Variants in MIPEP observed in about 807,000 individuals in gnomAD.
MIPEP encodes mitochondrial intermediate peptidase.
A neutral mutation model predicts 90.3 loss-of-function variants in MIPEP; 79 were observed. That is an observed-to-expected ratio of 0.87 (90% CI 0.73 to 1.05). The LOEUF (loss-of-function observed/expected upper bound fraction) is 1.05, where lower values mean the gene tolerates loss of function less well. Ranked by LOEUF, MIPEP falls within the 50% of genes least tolerant of loss-of-function variation. The probability of loss-of-function intolerance (pLI) is 0.00; values close to 1 mark genes in which losing one functional copy is unlikely to be tolerated. For missense variants in MIPEP, 940 were observed against 905.6 expected (o/e 1.04, Z -0.49); for synonymous variants, 334 against 315.8 (o/e 1.06, Z -0.61).
At position 23,874,861 on chromosome 13, in the gene MIPEP, A is replaced by G; in HGVS notation, c.588T>C (p.His196=). The G allele has an allele frequency of 2.5e-6, 4 of 1,599,082 alleles. No homozygotes were observed. The highest frequency in any genetic ancestry group is 3.4e-6 in the Non-Finnish European group (4 of 1,175,296). Residue 196 remains histidine, a synonymous_variant, in exon 5 of 19, where the codon CAT becomes CAC. Transcript: ENST00000382172. ...AAAGATGTACCTTTTCTTTGTCTAG[A>G]TGGATTCCACTAATTTCAAAATCAA... The part of the protein sequence containing the change: ...FMFDFEISGI[H]LDKEKRKRAV...
chr13:23,834,880 C>T (rs1475731097), intron 14 of MIPEP, among the ~76,000 whole-genome samples: 1 of 152,052 alleles, frequency 6.6e-6, no homozygotes, highest in Non-Finnish European at 1.5e-5. Flanking sequence ...ATGTTATTGG[C>T]CAAGTCTACA....
intron 2 of MIPEP, among the ~76,000 whole-genome samples, chr13:23,882,744 T>C (rs538912550): frequency 6.6e-6 from 1 of 152,330 alleles, no homozygotes; most frequent in South Asian, 2.1e-4. Context: ...TCAAATAGTT[T>C]TTAATGCCAA....
At chr13:23,843,472 T>C (rs1371700991) in intron 10 of MIPEP, among the ~76,000 whole-genome samples, 1 of 152,274 alleles carries the variant, frequency 6.6e-6, no homozygotes, top group Non-Finnish European at 1.5e-5. Flanking sequence ...TCATAAAGTA[T>C]ATGCATGTGG....
chr13:23,829,487 T>G (rs886364789), intron 14 of MIPEP, among the ~76,000 whole-genome samples: 2 of 151,374 alleles, frequency 1.3e-5, no homozygotes, highest in African/African-American at 4.8e-5. Context: ...CCAACAATAT[T>G]AAAAGGAAAG....
At chr13:23,876,520 C>T (rs547974668) in intron 4 of MIPEP, among the ~76,000 whole-genome samples, 1 of 152,250 alleles carries the variant, frequency 6.6e-6, no homozygotes, top group East Asian at 1.9e-4. Context: ...TAAGGGCCAT[C>T]TGTTGCTATG....
intron 14 of MIPEP, among the ~76,000 whole-genome samples, chr13:23,827,115 G>A (rs1715988419): frequency 1.3e-5 from 2 of 152,122 alleles, no homozygotes; most frequent in South Asian, 2.1e-4. Flanking sequence ...AAGGATTTTG[G>A]TAGCCACGTT....
chr13:23,861,056 C>T (rs7998585), intron 9 of MIPEP, among the ~76,000 whole-genome samples: 142,994 of 152,178 alleles, frequency 0.94, 67,215 homozygotes, highest in East Asian at 1. Context: ...TTCTAACAGG[C>T]TCCCATGTGA....
intron 18 of MIPEP, among the ~76,000 whole-genome samples, chr13:23,733,868 G>T (rs1325252190): frequency 6.6e-6 from 1 of 152,192 alleles, no homozygotes; most frequent in African/African-American, 2.4e-5. Flanking sequence ...TGTCATTGCT[G>T]TGTCTATTTG....
chr13:23,815,333 TG>T (rs1953221148), intron 14 of MIPEP, among the ~76,000 whole-genome samples: 1 of 151,020 alleles, frequency 6.6e-6, no homozygotes, highest in African/African-American at 2.4e-5. Flanking sequence ...TGTTTTTTTT[TG>T]AGTCAGAGTC....
chr13:23,743,403 A>C (rs1952351876), intron 18 of MIPEP, among the ~76,000 whole-genome samples: 1 of 152,220 alleles, frequency 6.6e-6, no homozygotes, highest in South Asian at 2.1e-4. Context: ...GACTGTGGTT[A>C]CCCACACCCT....
At chr13:23,757,971 C>T (rs2138513277) in intron 17 of MIPEP, among the ~76,000 whole-genome samples, 1 of 152,268 alleles carries the variant, frequency 6.6e-6, no homozygotes, top group African/African-American at 2.4e-5. Context: ...AGCTCTGGAG[C>T]CTCTTTACAT....
rs1162411908 is a variant in MIPEP, at chr13:23,870,257, TAAAC to T, written c.604-66_604-63del. 140 of 1,102,586 alleles carry T rather than the reference TAAAC, an allele frequency of 1.3e-4. 1 individual carries two copies. The Middle Eastern group carries it at 1.8e-3, about 14-fold the overall frequency. 68.3% of individuals were successfully genotyped at this position (1,102,586 alleles called of 1,614,324 possible). On this transcript the variant is annotated intron_variant, in intron 5 of 18. Coordinates refer to ENST00000382172, the MANE Select transcript of MIPEP (RefSeq NM_005932.4). ...TTTGAATTAATATTTCACAATTTAATAAACAAAATATAAATATGTCAAATCAACA... is the reference window on the plus strand; with the variant it reads ...TTTGAATTAATATTTCACAATTTAATAAAATATAAATATGTCAAATCAACA...
intron 7 of MIPEP, among the ~76,000 whole-genome samples, chr13:23,868,590 CCTCA>C (rs1303226290): frequency 6.6e-6 from 1 of 152,050 alleles, no homozygotes; most frequent in Non-Finnish European, 1.5e-5. Context: ...TCCCTCTCAC[CCTCA>C]CTAAGTCTTG....
chr13:23,784,019 A>G (rs1486324039), intron 16 of MIPEP, among the ~76,000 whole-genome samples: 2 of 152,182 alleles, frequency 1.3e-5, no homozygotes, highest in African/African-American at 4.8e-5. Context: ...GAAAATGGCC[A>G]TACTGCCCAA....
chr13:23,795,209 G>GA (rs113249630), intron 16 of MIPEP, among the ~76,000 whole-genome samples: 35,268 of 143,066 alleles, frequency 0.25, 4,780 homozygotes, highest in African/African-American at 0.39. Context: ...CCAGGGCGAA[G>GA]AAAAAAAAAA....
In MIPEP at chr13:23,759,309, C is replaced by T. The variant is rs970085726; in HGVS notation, c.1970+787G>A. Among the ~76,000 whole-genome samples, 4 of 151,944 alleles carry T rather than the reference C, an allele frequency of 2.6e-5. No homozygotes were observed. The East Asian group carries it at 5.8e-4, about 22-fold the overall frequency. On this transcript the variant is annotated intron_variant, in intron 17 of 18. Coordinates refer to ENST00000382172, the MANE Select transcript of MIPEP (RefSeq NM_005932.4). ...ATCCTCTGCACCTCCCCAGACAGCACGGGAACCCTCGCACCCTTCACCCAG... is the reference window on the plus strand; with the variant it reads ...ATCCTCTGCACCTCCCCAGACAGCATGGGAACCCTCGCACCCTTCACCCAG...
At chr13:23,843,264 G>A (rs1869384601) in intron 10 of MIPEP, among the ~76,000 whole-genome samples, 3 of 152,138 alleles carry the variant, frequency 2.0e-5, no homozygotes, top group Admixed American at 2.0e-4. Context: ...GGTTAAAGAT[G>A]AAGCAGTTAC....
intron 2 of MIPEP, among the ~76,000 whole-genome samples, chr13:23,883,468 A>C (rs1179451338): frequency 6.6e-6 from 1 of 152,192 alleles, no homozygotes; most frequent in East Asian, 1.9e-4. Flanking sequence ...CAGATACCCG[A>C]ATCCACAGAT....
chr13:23,889,286 G>C lies in MIPEP; in HGVS notation c.35C>G (p.Ala12Gly). 4 of 1,368,890 alleles carry C rather than the reference G, an allele frequency of 2.9e-6. No individual in the cohort carries two copies. The highest frequency in any genetic ancestry group is 3.8e-6 in the Non-Finnish European group (4 of 1,059,388). 84.8% of individuals were successfully genotyped at this position (1,368,890 alleles called of 1,614,324 possible). Residue 12 changes from alanine to glycine, a missense_variant, in exon 1 of 19, where the codon GCC becomes GGC. Physicochemically the swap from Ala to Gly is moderately conservative, Grantham distance 60. Coordinates refer to ENST00000382172, the MANE Select transcript of MIPEP (RefSeq NM_005932.4). ...GCGGGGCGGCAGAGCTGCTGCTCTG[G>C]CTCCCAAGCCGCCCAGCCTTCCGAC... ...LCVGRLGGLGARAAALPPRRA... is the reference protein window; with the variant it reads ...LCVGRLGGLGGRAAALPPRRA...
Sources: gnomAD v4.1 joint callset for allele counts (sites outside exome capture counted in the v4.1 genomes callset) on GRCh38, gnomAD v4.1.1 for gene constraint, MANE v1.5 for transcripts, NCBI Gene and HGNC (gene_info 2026-07-23, HGNC 2026-07-21) for gene names.